The following GNAI1 variants were observed in gnomAD, a reference collection of about 807,000 sequenced individuals.
GNAI1 encodes guanine nucleotide-binding protein G(i) subunit alpha-1.
A neutral mutation model predicts 38.9 loss-of-function variants in GNAI1; 11 were observed. That is an observed-to-expected ratio of 0.28 (90% CI 0.18 to 0.47). The LOEUF (loss-of-function observed/expected upper bound fraction) is 0.47. GNAI1 is among the 20% of genes least tolerant of loss of function. GNAI1 has a pLI of 0.99. For synonymous variants in GNAI1, 166 were observed against 145.1 expected (o/e 1.14, Z -1.04); for missense variants, 317 against 436.9 (o/e 0.73, Z 2.45).
Position 80,135,157 on chromosome 7 carries a change from C to T in GNAI1, c.-4C>T. The T allele has an allele frequency of 1.3e-6, 2 of 1,502,732 alleles. No individual in the cohort carries two copies. The highest frequency in any genetic ancestry group is 1.8e-6 in the Non-Finnish European group (2 of 1,123,842). 93.1% of individuals were successfully genotyped at this position (1,502,732 alleles called of 1,614,324 possible). A position where few individuals can be genotyped will look rare whatever the true frequency, so the allele number is the denominator to read the frequency against. ...AGCGGCGGCAGGCTCTCGCTTTCGG[C>T]ACCATGGGCTGCACGCTGAGCGCCG... is the stretch of plus-strand genomic sequence containing the variant. On this transcript the variant is annotated 5_prime_UTR_variant, in exon 1 of 8. Coordinates refer to ENST00000649796, the MANE Select transcript of GNAI1 (RefSeq NM_002069.6).
intron 1 of GNAI1, among the ~76,000 whole-genome samples, chr7:80,164,535 T>C (rs1358064775): frequency 6.6e-6 from 1 of 152,058 alleles, no homozygotes; most frequent in Non-Finnish European, 1.5e-5. Flanking sequence ...CTAATTTTTT[T>C]GTATTTTTAG....
intron 7 of GNAI1, 55 bp from the exon 8 acceptor site, chr7:80,217,248 T>TCA (rs1788988656): frequency 1.2e-4 from 54 of 437,032 alleles, no homozygotes; most frequent in Middle Eastern, 7.9e-4. Flanking sequence ...ATTCAGTATT[T>TCA]TAAGCAGTTA....
intron 1 of GNAI1, among the ~76,000 whole-genome samples, chr7:80,182,096 A>C (rs1788304435): frequency 6.6e-6 from 1 of 152,010 alleles, no homozygotes. Flanking sequence ...TATGAGTCTG[A>C]CTTTTTTTAG....
intron 1 of GNAI1, among the ~76,000 whole-genome samples, chr7:80,162,353 C>A (rs1318242542): frequency 1.3e-5 from 2 of 152,140 alleles, no homozygotes; most frequent in Admixed American, 1.3e-4. Flanking sequence ...TTAGCCTGGT[C>A]TTTAAGGCAT....
intron 3 of GNAI1, among the ~76,000 whole-genome samples, chr7:80,190,194 AAAAT>A (rs1216682843): frequency 6.6e-6 from 1 of 152,176 alleles, no homozygotes; most frequent in African/African-American, 2.4e-5. Flanking sequence ...CTAGGGAAGA[AAAAT>A]GAATGAAAGC....
intron 3 of GNAI1, 79 bp from the exon 4 acceptor site, chr7:80,199,146 A>T (rs1409806038): frequency 1.0e-6 from 1 of 963,094 alleles, no homozygotes. Flanking sequence ...TTTTTTTTTT[A>T]ACTCTAGAAT....
chr7:80,136,011 T>C (rs1188604377), intron 1 of GNAI1: 1 of 985,232 alleles, frequency 1.0e-6, no homozygotes, highest in Non-Finnish European at 1.2e-6. Context: ...AGCGAGAGGG[T>C]CACGCCAGAC....
Position 80,172,744 on chromosome 7 carries a change from T to G in GNAI1, c.119-16207T>G, listed in dbSNP as rs530243789. On this transcript the variant is annotated intron_variant, in intron 1 of 7. Transcript: ENST00000649796. ...ACCTTTTTACCTGTTCAGCGGCATT[T>G]TTTAGCAGCTTGCCTTACTTATTTT... Among the ~76,000 whole-genome samples the G allele has an allele frequency of 3.5e-4, 53 of 152,340 alleles. 1 individual carries two copies. In the South Asian group the frequency reaches 0.011, roughly 31 times the overall value.
rs1787386307 is a variant in GNAI1, at chr7:80,135,137, C to G, written c.-24C>G. 8.3e-6 allele frequency: 12 copies of G among 1,449,794 alleles called. No homozygotes were observed. Among genetic ancestry groups the G allele is most frequent in the Non-Finnish European group, 1.1e-5 (12 of 1,086,002 alleles). 89.8% of individuals were successfully genotyped at this position (1,449,794 alleles called of 1,614,324 possible). A position where few individuals can be genotyped will look rare whatever the true frequency, so the allele number is the denominator to read the frequency against. On this transcript the variant is annotated 5_prime_UTR_variant, in exon 1 of 8. Transcript: ENST00000649796. ...CCGCACTCGGGCGCGGAGGGAGCGG[C>G]GGCAGGCTCTCGCTTTCGGCACCAT...
intron 5 of GNAI1, among the ~76,000 whole-genome samples, chr7:80,210,603 C>T (rs1584053905): frequency 1.3e-5 from 2 of 152,158 alleles, no homozygotes; most frequent in East Asian, 3.8e-4. Context: ...CTGCATTCCC[C>T]AGTTGCTTCA....
intron 1 of GNAI1, among the ~76,000 whole-genome samples, chr7:80,139,230 C>A (rs1787479914): frequency 6.6e-6 from 1 of 152,098 alleles, no homozygotes; most frequent in East Asian, 1.9e-4. Flanking sequence ...ATTCATAGTT[C>A]AAGTCCTTCT....
rs1331226583 is a variant in GNAI1, at chr7:80,225,303, A to G, written c.*7810A>G. On this transcript the variant is annotated 3_prime_UTR_variant, in exon 8 of 8. Transcript: ENST00000649796. ...TCTATACTCTAAAACAGGGTTTTGA[A>G]ATTAGCAGCTCTCTTTATTTTTAGT... 6.6e-6 allele frequency among the ~76,000 whole-genome samples: 1 copy of G among 152,224 alleles called. No individual in the cohort carries two copies. The highest frequency in any genetic ancestry group is 2.4e-5 in the African/African-American group (1 of 41,456).
At position 80,217,731 on chromosome 7, in the gene GNAI1, A is replaced by G. The variant is rs1390260478; in HGVS notation, c.*238A>G. On this transcript the variant is annotated 3_prime_UTR_variant, in exon 8 of 8. Coordinates refer to ENST00000649796, the MANE Select transcript of GNAI1 (RefSeq NM_002069.6). ...GACAGTGTTAAAGCTGGGCTCTAGT[A>G]TATTGATGATTTCTGCATAAGTGTA... 6.8e-6 allele frequency: 2 copies of G among 295,976 alleles called. No homozygotes were observed. The highest frequency in any genetic ancestry group is 1.2e-5 in the Non-Finnish European group (2 of 160,932). The allele number at this position is 295,976 out of a possible 1,614,324, so 18.3% of individuals were successfully genotyped here. A position where few individuals can be genotyped will look rare whatever the true frequency, so the allele number is the denominator to read the frequency against.
intron 1 of GNAI1, among the ~76,000 whole-genome samples, chr7:80,166,355 A>T (rs374760569): frequency 3.3e-4 from 50 of 152,236 alleles, no homozygotes; most frequent in African/African-American, 1.2e-3. Flanking sequence ...TAATAATTTG[A>T]TTGTTGGAGA....
At chr7:80,160,038 G>A (rs1787893937) in intron 1 of GNAI1, among the ~76,000 whole-genome samples, 1 of 152,096 alleles carries the variant, frequency 6.6e-6, no homozygotes, top group Non-Finnish European at 1.5e-5. Flanking sequence ...AATCCCTCCT[G>A]TTACTTGGCT....
intron 1 of GNAI1, among the ~76,000 whole-genome samples, chr7:80,182,958 T>C (rs141752820): frequency 3.8e-4 from 58 of 152,270 alleles, no homozygotes; most frequent in African/African-American, 1.3e-3. Flanking sequence ...GGACAGAAGT[T>C]AGTTTTACAT....
At chr7:80,167,612 C>G (rs1788033569) in intron 1 of GNAI1, among the ~76,000 whole-genome samples, 1 of 151,964 alleles carries the variant, frequency 6.6e-6, no homozygotes, top group African/African-American at 2.4e-5. Context: ...GTAATTTATC[C>G]CGTTTTTCAG....
intron 3 of GNAI1, among the ~76,000 whole-genome samples, chr7:80,189,772 C>A (rs1788448520): frequency 6.6e-6 from 1 of 152,030 alleles, no homozygotes; most frequent in Non-Finnish European, 1.5e-5. Flanking sequence ...AGTTTCAATT[C>A]TTTATTTTGC....
chr7:80,215,775 A>G (rs1373391514), intron 7 of GNAI1, among the ~76,000 whole-genome samples: 1 of 152,236 alleles, frequency 6.6e-6, no homozygotes, highest in Non-Finnish European at 1.5e-5. Context: ...TTTTTAAGTG[A>G]TAGAGAACCC....
Sources: allele counts gnomAD v4.1 joint callset (sites outside exome capture counted in the v4.1 genomes callset), GRCh38; gene constraint gnomAD v4.1.1; transcripts MANE v1.5; gene names NCBI Gene and HGNC (gene_info 2026-07-23, HGNC 2026-07-21).